CREB5: variants seen among roughly 807,000 people sequenced by gnomAD.
CREB5 encodes the protein cyclic AMP-responsive element-binding protein 5.
Under a neutral mutation model 57.1 loss-of-function variants are expected in CREB5, and 19 were observed. That is an observed-to-expected ratio of 0.33 (90% CI 0.23 to 0.49). The LOEUF (loss-of-function observed/expected upper bound fraction) is 0.49. Among genes scored for constraint, CREB5 ranks in the 20% least tolerant of loss-of-function variants. CREB5 has a pLI of 0.99. For synonymous variants in CREB5, 238 were observed against 238.3 expected (o/e 1.00, Z 0.01); for missense variants, 579 against 671.6 (o/e 0.86, Z 1.52).
intron 1 of CREB5, among the ~76,000 whole-genome samples, chr7:28,342,951 T>A (rs1785965214): frequency 6.6e-6 from 1 of 152,144 alleles, no homozygotes; most frequent in African/African-American, 2.4e-5. Context: ...TACTTTTTTT[T>A]TTTTCTTGAG....
intron 7 of CREB5, among the ~76,000 whole-genome samples, chr7:28,725,889 C>T (rs1157810433): frequency 6.6e-6 from 1 of 152,144 alleles, no homozygotes; most frequent in Non-Finnish European, 1.5e-5. Flanking sequence ...CAATTCCAAA[C>T]TGAATTTCTC....
intron 7 of CREB5, among the ~76,000 whole-genome samples, chr7:28,728,226 C>G (rs1014246116): frequency 6.6e-6 from 1 of 152,160 alleles, no homozygotes; most frequent in African/African-American, 2.4e-5. Context: ...AGGCATGAGC[C>G]GCCATGCCTG....
At chr7:28,743,846 T>TC (rs1185220451) in intron 7 of CREB5, among the ~76,000 whole-genome samples, 25 of 143,254 alleles carry the variant, frequency 1.7e-4, no homozygotes, top group African/African-American at 5.7e-4. Flanking sequence ...TTCTTTTTTT[T>TC]TTTTTTTTTT....
At chr7:28,375,256 G>A (rs1223991173) in intron 1 of CREB5, among the ~76,000 whole-genome samples, 1 of 152,150 alleles carries the variant, frequency 6.6e-6, no homozygotes, top group Non-Finnish European at 1.5e-5. Context: ...AAATAAGCCA[G>A]GCACAGAAAG....
At chr7:28,329,423 T>C (rs766777835) in intron 1 of CREB5, among the ~76,000 whole-genome samples, 4 of 152,214 alleles carry the variant, frequency 2.6e-5, no homozygotes, top group Admixed American at 6.5e-5. Flanking sequence ...CTGGAAAGAA[T>C]AGACTGAATT....
At chr7:28,510,605 T>C (rs892182272) in intron 4 of CREB5, among the ~76,000 whole-genome samples, 4 of 152,234 alleles carry the variant, frequency 2.6e-5, no homozygotes, top group African/African-American at 7.2e-5. Flanking sequence ...ACTTGACCCA[T>C]GTGGCTGTCC....
intron 5 of CREB5, among the ~76,000 whole-genome samples, chr7:28,590,707 T>A (rs1212958244): frequency 2.2e-5 from 3 of 138,548 alleles, no homozygotes; most frequent in East Asian, 2.1e-4. Context: ...ATAATAATAA[T>A]AAAAACCCAA....
Position 28,415,937 on chromosome 7 carries a change from G to A in CREB5, c.3+3020G>A, listed in dbSNP as rs186070864. ...ATATATGAGTGTGTTTGGAGGTGAC[G>A]AGAAGTGAATTGAGTCTGGAAGTAT... On this transcript the variant is annotated intron_variant, in intron 1 of 10. Transcript: ENST00000357727. Among the ~76,000 whole-genome samples, 540 of 152,282 alleles carry A rather than the reference G, an allele frequency of 3.5e-3. 10 individuals carry two copies. The highest frequency in any genetic ancestry group is 0.031 in the Admixed American group (481 of 15,290).
intron 1 of CREB5, among the ~76,000 whole-genome samples, chr7:28,476,600 G>A (rs1271860976): frequency 6.6e-6 from 1 of 152,076 alleles, no homozygotes; most frequent in African/African-American, 2.4e-5. Flanking sequence ...AGATTTAATT[G>A]TTTCTTTTCT....
At chr7:28,404,784 C>A (rs1787543203) in intron 1 of CREB5, among the ~76,000 whole-genome samples, 1 of 152,194 alleles carries the variant, frequency 6.6e-6, no homozygotes, top group Non-Finnish European at 1.5e-5. Flanking sequence ...TTCCTACTCA[C>A]TGCCAATCTC....
intron 1 of CREB5, among the ~76,000 whole-genome samples, chr7:28,445,608 G>C (rs1041345840): frequency 1.3e-5 from 2 of 151,688 alleles, no homozygotes; most frequent in African/African-American, 2.4e-5. Context: ...CTGGAGTGCA[G>C]TGGCGCGATC....
intron 5 of CREB5, among the ~76,000 whole-genome samples, chr7:28,661,826 A>G (rs1222590138): frequency 1.3e-5 from 2 of 152,242 alleles, no homozygotes; most frequent in African/African-American, 4.8e-5. Context: ...TTAAGGAGGA[A>G]GATAATGAAG....
intron 5 of CREB5, among the ~76,000 whole-genome samples, chr7:28,676,217 T>G (rs780210183): frequency 6.0e-5 from 9 of 149,536 alleles, no homozygotes; most frequent in South Asian, 2.1e-4. Flanking sequence ...TCACTGCCTC[T>G]TCCTCCAAAT....
At chr7:28,791,110 C>A (rs1213943707) in intron 7 of CREB5, among the ~76,000 whole-genome samples, 2 of 152,152 alleles carry the variant, frequency 1.3e-5, no homozygotes, top group Non-Finnish European at 2.9e-5. Context: ...CTTGATAATA[C>A]CCCTTTGGTG....
intron 1 of CREB5, among the ~76,000 whole-genome samples, chr7:28,372,840 T>C (rs907538304): frequency 3.3e-4 from 50 of 152,338 alleles, no homozygotes; most frequent in African/African-American, 4.3e-4. Flanking sequence ...CTCTTAAAAA[T>C]TGTATTAAAA....
chr7:28,645,549 G>A (rs1289114768), intron 5 of CREB5, among the ~76,000 whole-genome samples: 1 of 152,198 alleles, frequency 6.6e-6, no homozygotes, highest in East Asian at 1.9e-4. Flanking sequence ...ACAGAAATGT[G>A]CAGAGAGACA....
rs1203903180 is a variant in CREB5, at chr7:28,816,035, C to A, written c.1255-2036C>A. ...CTAAATGCAAATAATATGACATTTCCTTCTGAAGCAAATATATACGCACAC... is the reference window on the plus strand; with the variant it reads ...CTAAATGCAAATAATATGACATTTCATTCTGAAGCAAATATATACGCACAC... On this transcript the variant is annotated intron_variant, in intron 9 of 10. Coordinates refer to ENST00000357727, the MANE Select transcript of CREB5 (RefSeq NM_182898.4). Among the ~76,000 whole-genome samples, 3 of 149,102 alleles carry A rather than the reference C, an allele frequency of 2.0e-5. No individual in the cohort carries two copies. The Admixed American group carries it at 2.0e-4, about 10-fold the overall frequency.
rs919145840 is a variant in CREB5, at chr7:28,488,323, A to T, written c.75+77A>T. On this transcript the variant is annotated intron_variant, in intron 2 of 10. Transcript: ENST00000357727. Reference sequence around the variant, plus strand: ...GGGAAGCAACTCTCACCCGGCAATCATGCCTGCCCTGGGCTTTCCTTCTTT... The same window carrying T: ...GGGAAGCAACTCTCACCCGGCAATCTTGCCTGCCCTGGGCTTTCCTTCTTT... The T allele has an allele frequency of 5.2e-6, 7 of 1,343,668 alleles. No homozygotes were observed. In the African/African-American group the frequency reaches 1.0e-4, roughly 19 times the overall value. 83.2% of individuals were successfully genotyped at this position (1,343,668 alleles called of 1,614,324 possible).
intron 1 of CREB5, among the ~76,000 whole-genome samples, chr7:28,365,232 C>T (rs1786563000): frequency 6.6e-6 from 1 of 152,174 alleles, no homozygotes; most frequent in Admixed American, 6.5e-5. Flanking sequence ...ATCAAGATGG[C>T]CAATTCCTTA....
Sources: gnomAD v4.1 joint callset for allele counts (sites outside exome capture counted in the v4.1 genomes callset) on GRCh38, gnomAD v4.1.1 for gene constraint, MANE v1.5 for transcripts, NCBI Gene and HGNC (gene_info 2026-07-23, HGNC 2026-07-21) for gene names.